Variants in ATRX observed in about 807,000 individuals in gnomAD.
ATRX encodes chromatin remodeler ATRX.
A neutral mutation model predicts 172.6 loss-of-function variants in ATRX; 12 were observed. The ratio of observed to expected loss-of-function variants is 0.07; its 90% CI spans 0.04 to 0.11. The LOEUF (loss-of-function observed/expected upper bound fraction) is 0.11, where lower values mean the gene tolerates loss of function less well. Among genes scored for constraint, ATRX ranks in the 10% least tolerant of loss-of-function variants. ATRX has a pLI of 1.00. For missense variants in ATRX, 1,368 were observed against 1,767.4 expected (o/e 0.77, Z 4.05); for synonymous variants, 674 against 594.7 (o/e 1.13, Z -1.94).
At chrX:77,659,421 C>G (rs1430777002) in intron 12 of ATRX, among the ~76,000 whole-genome samples, 1 of 108,178 alleles carries the variant, frequency 9.2e-6, no homozygotes, top group Admixed American at 1.0e-4. Flanking sequence ...ACTTGTATCC[C>G]TTCTCCTAAA....
At chrX:77,585,376 C>G (rs1662444376) in intron 27 of ATRX, among the ~76,000 whole-genome samples, 1 of 107,760 alleles carries the variant, frequency 9.3e-6, no homozygotes, top group African/African-American at 3.4e-5. Flanking sequence ...GAGTTTGAGA[C>G]CAGCCTGGCC....
intron 15 of ATRX, among the ~76,000 whole-genome samples, chrX:77,639,342 G>C (rs1045170062): frequency 4.5e-5 from 5 of 112,020 alleles, no homozygotes; most frequent in Non-Finnish European, 7.5e-5. Flanking sequence ...TGTGGAGAGA[G>C]AACTCTAGTA....
At chrX:77,528,637 G>A (rs191199481) in intron 30 of ATRX, among the ~76,000 whole-genome samples, 1,406 of 109,718 alleles carry the variant, frequency 0.013, 9 homozygotes, top group Non-Finnish European at 0.02. Flanking sequence ...AAAAGGCCCC[G>A]AAAAAAAACC....
At position 77,571,832 on chromosome X, in the gene ATRX, A is replaced by G. The variant is rs1023558707; in HGVS notation, c.6326+2418T>C. Reference sequence around the variant, plus strand: ...AAATTAAAAGAGAAACAAACCAAAAATAGTATCAAGCTAACGAGGCACTCT... The same window carrying G: ...AAATTAAAAGAGAAACAAACCAAAAGTAGTATCAAGCTAACGAGGCACTCT... On this transcript the variant is annotated intron_variant, in intron 28 of 34. Transcript: ENST00000373344. Among the ~76,000 whole-genome samples, 4 of 111,379 alleles carry G rather than the reference A, an allele frequency of 3.6e-5. No homozygotes were observed. The Admixed American group carries it at 3.8e-4, about 11-fold the overall frequency.
chrX:77,736,632 GACA>G (rs1557179262), intron 1 of ATRX, among the ~76,000 whole-genome samples: 1 of 112,367 alleles, frequency 8.9e-6, no homozygotes, highest in Non-Finnish European at 1.9e-5. Flanking sequence ...CGTGAAATAG[GACA>G]ACCACTACGA....
rs1184577252 is a variant in ATRX, at chrX:77,670,754, C to CA, written c.3809+5471dup. 5.4e-3 allele frequency among the ~76,000 whole-genome samples: 339 copies of CA among 62,756 alleles called. 1 individual carries two copies. The highest frequency in any genetic ancestry group is 0.015 in the African/African-American group (250 of 16,642). 54.5% of individuals were successfully genotyped at this position (62,756 alleles called of 115,157 possible). A position where few individuals can be genotyped will look rare whatever the true frequency, so the allele number is the denominator to read the frequency against. On this transcript the variant is annotated intron_variant, in intron 10 of 34. Coordinates refer to ENST00000373344, the MANE Select transcript of ATRX (RefSeq NM_000489.6). ...TGGGTGACAACGCGAGACTCTGTCTCAAAAAAAAAAAAAAAGTTATGGAAT... is the reference window on the plus strand; with the variant it reads ...TGGGTGACAACGCGAGACTCTGTCTCAAAAAAAAAAAAAAAAGTTATGGAAT...
intron 27 of ATRX, among the ~76,000 whole-genome samples, chrX:77,588,896 A>G (rs1557078673): frequency 8.9e-6 from 1 of 112,322 alleles, no homozygotes; most frequent in African/African-American, 3.2e-5. Context: ...GTCATTAGAG[A>G]AATGAAAATT....
chrX:77,600,579 T>C lies in ATRX; in HGVS notation c.5567-15A>G, dbSNP rs1182804021. On this transcript the variant is annotated splice_polypyrimidine_tract_variant and intron_variant, in intron 22 of 34. Coordinates refer to ENST00000373344, the MANE Select transcript of ATRX (RefSeq NM_000489.6). The stretch of plus-strand genomic sequence containing the variant: ...ATTGCCCACACCTGATCAAAAGAAA[T>C]ATGGTTAAAGACACAAAAATTGTCT... 2 of 1,206,913 alleles carry C rather than the reference T, an allele frequency of 1.7e-6. No individual in the cohort carries two copies. Among genetic ancestry groups the C allele is most frequent in the Non-Finnish European group, 1.1e-6 (1 of 893,043 alleles).
chrX:77,625,404 T>A (rs782197276), intron 19 of ATRX, among the ~76,000 whole-genome samples: 1 of 112,291 alleles, frequency 8.9e-6, no homozygotes, highest in Non-Finnish European at 1.9e-5. Flanking sequence ...GGGACCTAAT[T>A]AAACTAAAGA....
intron 2 of ATRX, among the ~76,000 whole-genome samples, chrX:77,704,754 C>T (rs987056860): frequency 2.7e-5 from 3 of 112,224 alleles, no homozygotes; most frequent in African/African-American, 9.7e-5. Flanking sequence ...CAGGCTCGGC[C>T]CCAACTTTGC....
intron 30 of ATRX, among the ~76,000 whole-genome samples, chrX:77,539,576 A>G (rs1249500441): frequency 9.0e-6 from 1 of 111,170 alleles, no homozygotes; most frequent in Non-Finnish European, 1.9e-5. Context: ...AAAAAGAGAC[A>G]TAACAAACAG....
At chrX:77,719,337 A>G (rs2073619695) in intron 1 of ATRX, among the ~76,000 whole-genome samples, 1 of 111,929 alleles carries the variant, frequency 8.9e-6, no homozygotes, top group Non-Finnish European at 1.9e-5. Context: ...GCCAATAAGC[A>G]CATGAAAAAA....
At chrX:77,575,443 G>T (rs1397324053) in intron 27 of ATRX, 1 of 110,519 alleles carries the variant, frequency 9.0e-6, no homozygotes, top group Non-Finnish European at 1.9e-5. Flanking sequence ...TAAGAGGCTG[G>T]AGTCACATTT....
intron 34 of ATRX, among the ~76,000 whole-genome samples, chrX:77,509,782 C>T (rs1483958275): frequency 9.0e-6 from 1 of 110,636 alleles, no homozygotes; most frequent in African/African-American, 3.3e-5. Context: ...AGGCAGAACC[C>T]GAGTTCCGAC....
intron 27 of ATRX, among the ~76,000 whole-genome samples, chrX:77,589,130 T>A (rs1472512430): frequency 1.8e-5 from 2 of 112,140 alleles, no homozygotes; most frequent in African/African-American, 6.5e-5. Context: ...TCACAACAGC[T>A]GAAAGGTGAG....
chrX:77,741,411 T>G (rs983740726), intron 1 of ATRX, among the ~76,000 whole-genome samples: 26 of 108,660 alleles, frequency 2.4e-4, no homozygotes, highest in African/African-American at 8.7e-4. Flanking sequence ...TTGTCTTTCT[T>G]TTTATTCTCT....
At chrX:77,620,654 C>T (rs1557099459) in intron 19 of ATRX, 122 bp from the exon 20 acceptor site, 4 of 669,599 alleles carry the variant, frequency 6.0e-6, no homozygotes, top group African/African-American at 4.4e-5. Flanking sequence ...AAAATGACAT[C>T]GTTGTAAGTA....
intron 19 of ATRX, among the ~76,000 whole-genome samples, chrX:77,622,126 G>A (rs1287667900): frequency 9.0e-6 from 1 of 111,694 alleles, no homozygotes; most frequent in Non-Finnish European, 1.9e-5. Context: ...AATGCAAAAT[G>A]TGTAAACCCT....
chrX:77,682,507 A>C lies in ATRX; in HGVS notation c.2749T>G (p.Ser917Ala). 1 of 1,211,739 alleles carries C rather than the reference A, an allele frequency of 8.3e-7. No individual in the cohort carries two copies. The highest frequency in any genetic ancestry group is 1.8e-5 in the South Asian group (1 of 56,977). Reference sequence around the variant, plus strand: ...GAAAGCTTATCGACACCATCAGTGGAAGCACTTGCTTGCTGCTTCTTAGGA... The same window carrying C: ...GAAAGCTTATCGACACCATCAGTGGCAGCACTTGCTTGCTGCTTCTTAGGA... Reference protein sequence around the residue: ...RLPKKQQASASTDGVDKLSGK... With the variant: ...RLPKKQQASAATDGVDKLSGK... Residue 917 changes from serine (S) to alanine (A), a missense_variant, in exon 9 of 35, where the codon TCC becomes GCC. Transcript: ENST00000373344.
Sources: gnomAD v4.1 joint callset for allele counts (sites outside exome capture counted in the v4.1 genomes callset) on GRCh38, gnomAD v4.1.1 for gene constraint, MANE v1.5 for transcripts, NCBI Gene and HGNC (gene_info 2026-07-23, HGNC 2026-07-21) for gene names.